Variants in SLC25A28 observed in about 807,000 individuals in gnomAD.
SLC25A28 encodes solute carrier family 25 member 28.
Under a neutral mutation model 31.9 loss-of-function variants are expected in SLC25A28, and 10 were observed. The ratio of observed to expected loss-of-function variants is 0.31; its 90% CI spans 0.19 to 0.53. The LOEUF is 0.53. Ranked by LOEUF, SLC25A28 falls within the 20% of genes least tolerant of loss-of-function variation. The pLI, the probability that SLC25A28 is intolerant of heterozygous loss-of-function variation, is 0.95. For synonymous variants in SLC25A28, 208 were observed against 203.6 expected (o/e 1.02, Z -0.19); for missense variants, 256 against 490.3 (o/e 0.52, Z 4.51).
chr10:99,645,654 C>T, the SLC25A28 span, among the ~76,000 whole-genome samples: 1 of 152,224 alleles, frequency 6.6e-6, no homozygotes, highest in Non-Finnish European at 1.5e-5. Flanking sequence ...TTAGAGTTTT[C>T]AGCTTTTCTG....
At chr10:99,616,066 T>C (rs2034645410) in intron 1 of SLC25A28, 2 of 985,316 alleles carry the variant, frequency 2.0e-6, no homozygotes, top group Admixed American at 6.1e-5. Flanking sequence ...AAAATGAATA[T>C]GGCTCCCCAA....
chr10:99,628,606 C>T, the SLC25A28 span, among the ~76,000 whole-genome samples: 2 of 152,206 alleles, frequency 1.3e-5, no homozygotes, highest in Non-Finnish European at 2.9e-5. Context: ...GGGTGGATCA[C>T]CTGAGGTCAG....
chr10:99,619,806 G>T (rs1286446451), intron 1 of SLC25A28, among the ~76,000 whole-genome samples: 1 of 152,194 alleles, frequency 6.6e-6, no homozygotes, highest in African/African-American at 2.4e-5. Context: ...ACAGATTTTC[G>T]ATCCTGAGTC....
chr10:99,625,857 A>T, the SLC25A28 span, among the ~76,000 whole-genome samples: 4 of 152,246 alleles, frequency 2.6e-5, no homozygotes, highest in East Asian at 7.7e-4. Context: ...CAAGGCCTGT[A>T]CTTTAGCTGG....
chr10:99,642,371 C>G, the SLC25A28 span, among the ~76,000 whole-genome samples: 1 of 152,032 alleles, frequency 6.6e-6, no homozygotes, highest in Non-Finnish European at 1.5e-5. Context: ...CTCTGCTTGT[C>G]TGTTATTGGT....
At chr10:99,615,302 C>T (rs1038359278) in intron 1 of SLC25A28, among the ~76,000 whole-genome samples, 16 of 145,082 alleles carry the variant, frequency 1.1e-4, no homozygotes, top group Admixed American at 3.6e-4. Flanking sequence ...AGTGAGCCTT[C>T]GCTGGTTTGA....
the SLC25A28 span, among the ~76,000 whole-genome samples, chr10:99,655,794 T>C: frequency 1.4e-4 from 22 of 152,186 alleles, no homozygotes; most frequent in Admixed American, 9.8e-4. Flanking sequence ...CATGATTGAC[T>C]TAGACAATCA....
intron 1 of SLC25A28, chr10:99,618,224 G>T: frequency 1.1e-6 from 1 of 935,804 alleles, no homozygotes. Context: ...AGCAACAATA[G>T]CACTATGTAA....
chr10:99,636,616 C>T, the SLC25A28 span, among the ~76,000 whole-genome samples: 2 of 152,006 alleles, frequency 1.3e-5, no homozygotes, highest in Non-Finnish European at 2.9e-5. Flanking sequence ...ATATCCAATA[C>T]TGACACTGCT....
the SLC25A28 span, among the ~76,000 whole-genome samples, chr10:99,639,500 A>G: frequency 1.3e-5 from 2 of 152,106 alleles, no homozygotes; most frequent in African/African-American, 4.8e-5. Context: ...AAAAAATAAA[A>G]TAAATCCCAT....
upstream of SLC25A28, among the ~76,000 whole-genome samples, chr10:99,624,411 G>A (rs1379651856): frequency 6.6e-6 from 1 of 152,022 alleles, no homozygotes; most frequent in Non-Finnish European, 1.5e-5. Flanking sequence ...CTGCATTTTT[G>A]ACAAGCTCTC....
intron 1 of SLC25A28, chr10:99,616,080 T>C: frequency 6.1e-6 from 6 of 985,440 alleles, no homozygotes; most frequent in Non-Finnish European, 7.2e-6. Context: ...TCCCCAAATT[T>C]GTGGGCCAAT....
At position 99,611,838 on chromosome 10, in the gene SLC25A28, T is replaced by C. The variant is rs1394082914; in HGVS notation, c.578-472A>G. ...CCTAGAGGGGAGGAGACAGAAGTTC[T>C]ACCAAAGAAAAGATTCTTAGCCAAA... On this transcript the variant is annotated intron_variant, in intron 3 of 3. Transcript: ENST00000370495. The surrounding 1 kb of genome is among the most constrained non-coding windows in gnomAD (Gnocchi z 5.5). 6.6e-6 allele frequency among the ~76,000 whole-genome samples: 1 copy of C among 152,194 alleles called. No homozygotes were observed. Among genetic ancestry groups the C allele is most frequent in the Non-Finnish European group, 1.5e-5 (1 of 68,028 alleles).
At chr10:99,632,201 T>G in the SLC25A28 span, among the ~76,000 whole-genome samples, 44 of 152,288 alleles carry the variant, frequency 2.9e-4, no homozygotes, top group African/African-American at 9.6e-4. Flanking sequence ...TGGCCCAGTA[T>G]GTTATTTTTT....
the SLC25A28 span, among the ~76,000 whole-genome samples, chr10:99,626,675 C>T: frequency 6.6e-6 from 1 of 152,180 alleles, no homozygotes; most frequent in African/African-American, 2.4e-5. Flanking sequence ...TCATGTCTTT[C>T]CCTGACTTAC....
chr10:99,612,302 A>C (rs2034544075), intron 3 of SLC25A28, among the ~76,000 whole-genome samples: 1 of 152,220 alleles, frequency 6.6e-6, no homozygotes, highest in African/African-American at 2.4e-5. Flanking sequence ...AGGAAAGCCC[A>C]AAAACAGGCC....
the SLC25A28 span, among the ~76,000 whole-genome samples, chr10:99,642,732 C>T: frequency 2.0e-5 from 3 of 152,066 alleles, no homozygotes; most frequent in Non-Finnish European, 4.4e-5. Context: ...TATTTTGAGA[C>T]ATGTCCCATC....
intron 1 of SLC25A28, chr10:99,617,386 T>C: frequency 2.0e-6 from 2 of 985,450 alleles, no homozygotes; most frequent in South Asian, 9.4e-5. Flanking sequence ...TAGCTGAGGA[T>C]GGACAGGCCT....
At chr10:99,657,069 C>G in the SLC25A28 span, among the ~76,000 whole-genome samples, 1 of 152,070 alleles carries the variant, frequency 6.6e-6, no homozygotes, top group Non-Finnish European at 1.5e-5. Flanking sequence ...AAATGTAGGT[C>G]TTTTCTGTTT....
Sources: allele counts gnomAD v4.1 joint callset (sites outside exome capture counted in the v4.1 genomes callset), GRCh38; gene constraint gnomAD v4.1.1; non-coding constraint Gnocchi (gnomAD v3.1); transcripts MANE v1.5; gene names NCBI Gene and HGNC (gene_info 2026-07-23, HGNC 2026-07-21).